The following PCDH9 variants were observed in gnomAD, a reference collection of about 807,000 sequenced individuals.
PCDH9 encodes the protein protocadherin-9.
Under a neutral mutation model 70.6 loss-of-function variants are expected in PCDH9, and 24 were observed. The observed-to-expected ratio is 0.34, with a 90% CI of 0.25 to 0.48. The LOEUF is 0.48. PCDH9 is among the 20% of genes least tolerant of loss of function. The pLI is 0.99. For synonymous variants in PCDH9, 562 were observed against 558.5 expected (o/e 1.01, Z -0.09); for missense variants, 1,281 against 1,503.6 (o/e 0.85, Z 2.45).
chr13:67,004,308 C>T (rs370667714), intron 2 of PCDH9, among the ~76,000 whole-genome samples: 1 of 151,168 alleles, frequency 6.6e-6, no homozygotes, highest in South Asian at 2.1e-4. Context: ...TGTTGGCTCG[C>T]ACCTGTAATC....
chr13:66,804,388 T>A (rs1390984774), intron 3 of PCDH9, among the ~76,000 whole-genome samples: 1 of 152,116 alleles, frequency 6.6e-6, no homozygotes, highest in Non-Finnish European at 1.5e-5. Flanking sequence ...AATAATACCT[T>A]TCAAGACACT....
intron 3 of PCDH9, among the ~76,000 whole-genome samples, chr13:66,897,996 ATGTATTTTATT>A (rs2082211328): frequency 6.6e-6 from 1 of 151,942 alleles, no homozygotes; most frequent in African/African-American, 2.4e-5. Context: ...CCAGTCCATG[ATGTATTTTATT>A]TGCCATTTTT....
At chr13:66,478,236 T>C (rs973649575) in intron 4 of PCDH9, among the ~76,000 whole-genome samples, 1 of 152,194 alleles carries the variant, frequency 6.6e-6, no homozygotes, top group Non-Finnish European at 1.5e-5. Flanking sequence ...TTGTGTGGGT[T>C]CTGACTGCTC....
intron 3 of PCDH9, among the ~76,000 whole-genome samples, chr13:66,754,647 A>T (rs1302311917): frequency 2.0e-5 from 3 of 152,092 alleles, no homozygotes; most frequent in Non-Finnish European, 2.9e-5. Context: ...TGATTGACTA[A>T]CTTCATAACA....
At chr13:66,987,556 A>T (rs1020659712) in intron 2 of PCDH9, among the ~76,000 whole-genome samples, 13 of 152,222 alleles carry the variant, frequency 8.5e-5, no homozygotes, top group African/African-American at 2.9e-4. Flanking sequence ...AATTTATAAA[A>T]TGAAATGAAG....
intron 2 of PCDH9, among the ~76,000 whole-genome samples, chr13:66,982,788 C>T (rs2083802143): frequency 6.6e-6 from 1 of 152,164 alleles, no homozygotes; most frequent in Non-Finnish European, 1.5e-5. Context: ...TTCAATCTCG[C>T]TGGCAACATT....
At chr13:66,613,766 T>A (rs1217010474) in intron 4 of PCDH9, among the ~76,000 whole-genome samples, 2 of 151,042 alleles carry the variant, frequency 1.3e-5, no homozygotes, top group Non-Finnish European at 3.0e-5. Flanking sequence ...AAGAGCTCAA[T>A]TAATTTGGCC....
intron 3 of PCDH9, among the ~76,000 whole-genome samples, chr13:66,796,124 T>C (rs1167380032): frequency 6.6e-6 from 1 of 152,166 alleles, no homozygotes; most frequent in African/African-American, 2.4e-5. Flanking sequence ...TTTCTACCAG[T>C]TTTCACTATC....
chr13:66,713,860 T>G (rs1203568515), intron 3 of PCDH9, among the ~76,000 whole-genome samples: 1 of 151,836 alleles, frequency 6.6e-6, no homozygotes. Flanking sequence ...GCAGCCTGTG[T>G]GATATATTGA....
At chr13:66,438,242 A>G (rs954125659) in intron 4 of PCDH9, among the ~76,000 whole-genome samples, 5 of 152,096 alleles carry the variant, frequency 3.3e-5, no homozygotes, top group African/African-American at 1.2e-4. Context: ...TCAAAAAAAA[A>G]AAAAAGTACT....
At chr13:67,186,528 G>GGGTAGA (rs1289201015) in intron 2 of PCDH9, among the ~76,000 whole-genome samples, 2 of 152,128 alleles carry the variant, frequency 1.3e-5, no homozygotes, top group Non-Finnish European at 2.9e-5. Context: ...TAATGCAAAT[G>GGGTAGA]CTTCTGGTTC....
chr13:66,423,628 C>G (rs896141430), intron 4 of PCDH9, among the ~76,000 whole-genome samples: 1 of 152,068 alleles, frequency 6.6e-6, no homozygotes, highest in Admixed American at 6.6e-5. Context: ...AATTCAACAG[C>G]CCTTCATGCT....
At chr13:66,333,674 G>T (rs915317313) in intron 4 of PCDH9, among the ~76,000 whole-genome samples, 1 of 152,030 alleles carries the variant, frequency 6.6e-6, no homozygotes, top group African/African-American at 2.4e-5. Flanking sequence ...GTTTTGAAGG[G>T]TTATTTTTGT....
At chr13:66,932,562 C>G (rs571611032) in intron 2 of PCDH9, among the ~76,000 whole-genome samples, 2 of 151,036 alleles carry the variant, frequency 1.3e-5, no homozygotes, top group South Asian at 4.2e-4. Context: ...TATTTAATTC[C>G]CACTTGTGAG....
chr13:66,917,812 A>C (rs1048153873), intron 2 of PCDH9, among the ~76,000 whole-genome samples: 2 of 151,446 alleles, frequency 1.3e-5, no homozygotes, highest in African/African-American at 4.8e-5. Flanking sequence ...AACATCATGT[A>C]TATGATAAAC....
At chr13:66,606,445 G>A (rs1428515667) in intron 4 of PCDH9, among the ~76,000 whole-genome samples, 1 of 151,974 alleles carries the variant, frequency 6.6e-6, no homozygotes, top group African/African-American at 2.4e-5. Flanking sequence ...TACGATGAAG[G>A]GAATAGTACC....
chr13:66,977,232 C>T (rs989866015), intron 2 of PCDH9, among the ~76,000 whole-genome samples: 5 of 152,002 alleles, frequency 3.3e-5, no homozygotes, highest in Middle Eastern at 3.4e-3. Flanking sequence ...TGGGGGATCT[C>T]GTCTAATTTT....
chr13:66,789,462 T>C (rs999202621), intron 3 of PCDH9, among the ~76,000 whole-genome samples: 8 of 152,010 alleles, frequency 5.3e-5, no homozygotes, highest in African/African-American at 1.9e-4. Flanking sequence ...ATCAAAAGAG[T>C]CTCTATACAA....
At chr13:66,639,046 T>A (rs1566474409) in intron 3 of PCDH9, among the ~76,000 whole-genome samples, 1 of 152,168 alleles carries the variant, frequency 6.6e-6, no homozygotes, top group Admixed American at 6.5e-5. Context: ...CAAAATAAAT[T>A]TTTTGATTCC....
Sources: allele counts gnomAD v4.1 joint callset (sites outside exome capture counted in the v4.1 genomes callset), GRCh38; gene constraint gnomAD v4.1.1; transcripts MANE v1.5; gene names NCBI Gene and HGNC (gene_info 2026-07-23, HGNC 2026-07-21).